PIBF1: variants seen among roughly 807,000 people sequenced by gnomAD.
The protein encoded by PIBF1 is progesterone-induced-blocking factor 1.
A neutral mutation model predicts 112.5 loss-of-function variants in PIBF1; 90 were observed. That is an observed-to-expected ratio of 0.80 (90% CI 0.67 to 0.95). The LOEUF (loss-of-function observed/expected upper bound fraction) is 0.95, where lower values mean the gene tolerates loss of function less well. Ranked by LOEUF, PIBF1 falls within the 40% of genes least tolerant of loss-of-function variation. PIBF1 has a pLI of 0.00. For synonymous variants in PIBF1, 301 were observed against 288.6 expected (o/e 1.04, Z -0.44); for missense variants, 915 against 852.3 (o/e 1.07, Z -0.92).
chr13:72,957,015 T>C (rs530583546), intron 14 of PIBF1, among the ~76,000 whole-genome samples: 3 of 152,232 alleles, frequency 2.0e-5, no homozygotes, highest in African/African-American at 7.2e-5. Context: ...TTTTAAAAAA[T>C]AGATATTGGC....
chr13:72,816,341 C>CTT (rs2036272615), intron 5 of PIBF1, among the ~76,000 whole-genome samples: 1 of 152,130 alleles, frequency 6.6e-6, no homozygotes, highest in South Asian at 2.1e-4. Flanking sequence ...TGAAAGTTAC[C>CTT]TTTCCTCATT....
intron 14 of PIBF1, among the ~76,000 whole-genome samples, chr13:72,960,081 G>A (rs2042564340): frequency 6.6e-6 from 1 of 152,106 alleles, no homozygotes; most frequent in Non-Finnish European, 1.5e-5. Context: ...CCTGACAAAT[G>A]AAAATCAACT....
At chr13:72,802,145 A>G (rs937493221) in intron 5 of PIBF1, among the ~76,000 whole-genome samples, 1 of 152,198 alleles carries the variant, frequency 6.6e-6, no homozygotes, top group Non-Finnish European at 1.5e-5. Context: ...CAGTGAGTCA[A>G]AAGTTACACA....
At chr13:72,835,401 A>C in intron 9 of PIBF1, 33 bp downstream of exon 9, 1 of 1,496,454 alleles carries the variant, frequency 6.7e-7, no homozygotes, top group South Asian at 1.3e-5. Flanking sequence ...ATGGTATTTT[A>C]TTTATCTTTG....
rs143976100 is a variant in PIBF1, at chr13:72,921,769, CAT to C, written c.1730+4605_1730+4606del. On this transcript the variant is annotated intron_variant, in intron 13 of 17. Transcript: ENST00000326291. ...GAGAAAATGGATGTGAAGTTCCTGACATAGAGTAGATCTTTAGTAAGTGCTAG... is the reference window on the plus strand; with the variant it reads ...GAGAAAATGGATGTGAAGTTCCTGACAGAGTAGATCTTTAGTAAGTGCTAG... Among the ~76,000 whole-genome samples, 1,221 of 152,256 alleles carry C rather than the reference CAT, an allele frequency of 8.0e-3. 14 individuals carry two copies. Among genetic ancestry groups the C allele is most frequent in the African/African-American group, 0.028 (1,149 of 41,542 alleles).
At chr13:73,000,740 CCTT>C (rs1257615155) in intron 17 of PIBF1, among the ~76,000 whole-genome samples, 2 of 152,184 alleles carry the variant, frequency 1.3e-5, no homozygotes, top group Non-Finnish European at 2.9e-5. Flanking sequence ...CTGACCCTGA[CCTT>C]CTGCATTTCT....
intron 10 of PIBF1, among the ~76,000 whole-genome samples, chr13:72,869,983 G>A (rs2039094919): frequency 6.6e-6 from 1 of 151,936 alleles, no homozygotes; most frequent in African/African-American, 2.4e-5. Flanking sequence ...TATTAATTTT[G>A]TTTGTAAAAA....
intron 14 of PIBF1, among the ~76,000 whole-genome samples, chr13:72,950,687 C>T (rs1215564791): frequency 3.9e-5 from 6 of 152,086 alleles, no homozygotes; most frequent in Non-Finnish European, 8.8e-5. Flanking sequence ...ATTCTTTCAA[C>T]AAATATTTAT....
intron 14 of PIBF1, among the ~76,000 whole-genome samples, chr13:72,953,118 C>T (rs1009249945): frequency 2.0e-5 from 3 of 152,094 alleles, no homozygotes; most frequent in African/African-American, 7.2e-5. Context: ...AGCTCTCCTT[C>T]CAGGCCAACA....
rs1202365261 is a variant in PIBF1 at position 73,007,677 on chromosome 13, C to T, written c.2224-8192C>T. ...ATACAAAATTAGCCGGGCGTGGTGG[C>T]GCACGCCTGTAATCCTAGCTACTCG... On this transcript the variant is annotated intron_variant, in intron 17 of 17. Transcript: ENST00000326291. 4.6e-5 allele frequency among the ~76,000 whole-genome samples: 7 copies of T among 152,056 alleles called. No homozygotes were observed. The South Asian group carries it at 6.2e-4, about 14-fold the overall frequency.
intron 10 of PIBF1, among the ~76,000 whole-genome samples, chr13:72,865,944 C>G (rs1480257690): frequency 6.6e-6 from 1 of 152,152 alleles, no homozygotes; most frequent in African/African-American, 2.4e-5. Context: ...GGCAAAACAA[C>G]AGAAATTTAT....
At chr13:72,922,253 T>C (rs951255691) in intron 13 of PIBF1, among the ~76,000 whole-genome samples, 38 of 152,124 alleles carry the variant, frequency 2.5e-4, no homozygotes, top group African/African-American at 8.7e-4. Context: ...CCTGGAATTA[T>C]AGGCATGAGT....
chr13:72,889,683 A>C (rs2039983527), intron 10 of PIBF1, among the ~76,000 whole-genome samples: 1 of 152,128 alleles, frequency 6.6e-6, no homozygotes, highest in Non-Finnish European at 1.5e-5. Flanking sequence ...ATCTGTACAC[A>C]GTTGTCCTGC....
At chr13:72,902,585 A>T (rs1411767758) in intron 11 of PIBF1, among the ~76,000 whole-genome samples, 1 of 152,194 alleles carries the variant, frequency 6.6e-6, no homozygotes, top group Non-Finnish European at 1.5e-5. Context: ...TACTTAAAGG[A>T]ATTTTATCTA....
chr13:72,912,409 T>G (rs1446515710), intron 12 of PIBF1, among the ~76,000 whole-genome samples: 1 of 152,098 alleles, frequency 6.6e-6, no homozygotes, highest in African/African-American at 2.4e-5. Context: ...GAATGACAAG[T>G]AAGCATAATA....
intron 13 of PIBF1, among the ~76,000 whole-genome samples, chr13:72,921,587 G>C (rs575261134): frequency 6.6e-6 from 1 of 152,008 alleles, no homozygotes; most frequent in Middle Eastern, 3.4e-3. Flanking sequence ...TATGTCATTG[G>C]ATATTCTTCA....
intron 17 of PIBF1, among the ~76,000 whole-genome samples, chr13:73,004,121 T>G (rs1160099999): frequency 6.6e-6 from 1 of 152,178 alleles, no homozygotes; most frequent in African/African-American, 2.4e-5. Context: ...AAGGAAGTAT[T>G]TGAGCTTGGC....
At chr13:72,939,518 A>G (rs1023423969) in intron 14 of PIBF1, among the ~76,000 whole-genome samples, 1 of 152,144 alleles carries the variant, frequency 6.6e-6, no homozygotes, top group African/African-American at 2.4e-5. Flanking sequence ...CACTGAGCAT[A>G]CTGTTTTTGA....
chr13:72,901,688 GAAA>G (rs879492655), intron 11 of PIBF1, among the ~76,000 whole-genome samples: 1 of 140,406 alleles, frequency 7.1e-6, no homozygotes, highest in South Asian at 2.3e-4. Context: ...TCCTTCTCAA[GAAA>G]AAAAAAAAAC....
Sources: allele counts gnomAD v4.1 joint callset (sites outside exome capture counted in the v4.1 genomes callset), GRCh38; gene constraint gnomAD v4.1.1; transcripts MANE v1.5; gene names NCBI Gene and HGNC (gene_info 2026-07-23, HGNC 2026-07-21).